TYK2: variants seen among roughly 807,000 people sequenced by gnomAD.
TYK2 encodes non-receptor tyrosine-protein kinase TYK2.
In TYK2, 65 loss-of-function variants were observed where a neutral mutation model predicts 130.9. The ratio of observed to expected loss-of-function variants is 0.50; its 90% CI spans 0.41 to 0.61. The LOEUF is 0.61. Among genes scored for constraint, TYK2 ranks in the 20% least tolerant of loss-of-function variants. TYK2 has a pLI of 0.00. For missense variants in TYK2, 1,378 were observed against 1,610.7 expected, an observed-to-expected ratio of 0.86 and a Z score of 2.47; for synonymous variants, 647 against 658.9, an observed-to-expected ratio of 0.98 and a Z score of 0.28.
At chr19:10,379,935 G>A (rs781381124) in intron 1 of TYK2, among the ~76,000 whole-genome samples, 156 bp from the exon 2 acceptor site, 2 of 152,148 alleles carry the variant, frequency 1.3e-5, no homozygotes, top group Non-Finnish European at 2.9e-5. Flanking sequence ...ACTCCCCAAA[G>A]CCTAGGAGAG....
At chr19:10,352,072 T>C (rs1041596986) in intron 23 of TYK2, among the ~76,000 whole-genome samples, 1 of 144,630 alleles carries the variant, frequency 6.9e-6, no homozygotes, top group Non-Finnish European at 1.5e-5. Context: ...TTTCTCTCTC[T>C]CTCCGTCCTG....
chr19:10,360,441 G>T (rs1014675429), intron 14 of TYK2, among the ~76,000 whole-genome samples: 3 of 152,158 alleles, frequency 2.0e-5, no homozygotes, highest in Non-Finnish European at 4.4e-5. Context: ...AGGCTTCAGT[G>T]AGCCATGATG....
rs920629637 is a variant in TYK2 at position 10,361,284 on chromosome 19, G to A, written c.2047+227C>T. On this transcript the variant is annotated intron_variant, in intron 14 of 24. Transcript: ENST00000525621. This position sits in a 1 kb window ranked among gnomAD's most constrained non-coding sequence, Gnocchi z 4.0. Reference sequence around the variant, plus strand: ...AATCAGGGTGGGGGTTGAGACTGAGGGCAGGTGAGGGTCGACGTGTTGGGA... The same window carrying A: ...AATCAGGGTGGGGGTTGAGACTGAGAGCAGGTGAGGGTCGACGTGTTGGGA... The A allele has an allele frequency of 3.2e-6, 2 of 622,084 alleles. No individual in the cohort carries two copies. The highest frequency in any genetic ancestry group is 1.8e-5 in the African/African-American group (1 of 55,060). The allele number at this position is 622,084 out of a possible 1,614,324, so 38.5% of individuals were successfully genotyped here.
At chr19:10,377,583 G>A (rs200572224) in intron 3 of TYK2, among the ~76,000 whole-genome samples, 5 of 124,016 alleles carry the variant, frequency 4.0e-5, no homozygotes, top group Admixed American at 1.7e-4. Flanking sequence ...TGGGTGGATG[G>A]ATGGATGGAT....
Position 10,353,426 on chromosome 19 carries a change from A to T in TYK2, c.3027+102T>A. 1.2e-6 allele frequency: 1 copy of T among 839,958 alleles called. No individual in the cohort carries two copies. Among genetic ancestry groups the T allele is most frequent in the Non-Finnish European group, 1.8e-6 (1 of 565,504 alleles). The allele number at this position is 839,958 out of a possible 1,614,324, so 52.0% of individuals were successfully genotyped here. On this transcript the variant is annotated intron_variant, in intron 21 of 24. Transcript: ENST00000525621. This position sits in a 1 kb window ranked among gnomAD's most constrained non-coding sequence, Gnocchi z 6.9. ...AAGGACAAGACAGCCTGGGCAAACGAGCAGGGGCGGAGCGTGAGAGCAGAC... is the reference window on the plus strand; with the variant it reads ...AAGGACAAGACAGCCTGGGCAAACGTGCAGGGGCGGAGCGTGAGAGCAGAC...
At position 10,353,986 on chromosome 19, in the gene TYK2, A is replaced by C; in HGVS notation, c.2908+56T>G. ...AGACTGGCCCCGCCCACAAGGCCAC[A>C]CCCACGCTCTAACCACGCCCCCTCA... is the stretch of plus-strand genomic sequence containing the variant. On this transcript the variant is annotated intron_variant, in intron 20 of 24. Coordinates refer to ENST00000525621, the MANE Select transcript of TYK2 (RefSeq NM_003331.5). This position sits in a 1 kb window ranked among gnomAD's most constrained non-coding sequence, Gnocchi z 6.9. 1 of 1,574,608 alleles carries C rather than the reference A, an allele frequency of 6.4e-7. No homozygotes were observed. Among genetic ancestry groups the C allele is most frequent in the Non-Finnish European group, 8.7e-7 (1 of 1,147,542 alleles).
At chr19:10,356,110 G>A (rs1431860318) in intron 18 of TYK2, among the ~76,000 whole-genome samples, 2 of 152,176 alleles carry the variant, frequency 1.3e-5, no homozygotes, top group African/African-American at 2.4e-5. Context: ...CAGGCGCAGT[G>A]GCTCACGCCT....
At chr19:10,366,352 T>C (rs969268169) in intron 6 of TYK2, 65 bp downstream of exon 6, 2 of 1,536,306 alleles carry the variant, frequency 1.3e-6, no homozygotes, top group Non-Finnish European at 1.8e-6. Flanking sequence ...AAGTCTACCC[T>C]GGCTCCCAGA....
chr19:10,352,813 C>T, intron 22 of TYK2, 113 bp downstream of exon 22: 1 of 1,378,644 alleles, frequency 7.3e-7, no homozygotes, highest in Non-Finnish European at 9.8e-7. Context: ...CCGCTAGGCC[C>T]CGCCGCGCTT....
intron 3 of TYK2, chr19:10,368,813 CTT>C (rs112143197): frequency 5.7e-3 from 1,102 of 192,792 alleles, no homozygotes; most frequent in East Asian, 0.015. Context: ...TTAAGTAAAA[CTT>C]TTTTTTTTTT....
intron 5 of TYK2, 56 bp from the exon 6 acceptor site, chr19:10,366,636 C>T: frequency 3.7e-6 from 6 of 1,603,684 alleles, no homozygotes; most frequent in Non-Finnish European, 5.1e-6. Context: ...CCTCTCTAGC[C>T]CAGAGGTATC....
At position 10,353,108 on chromosome 19, in the gene TYK2, G is replaced by C; in HGVS notation, c.3028-10C>G. ...GCAGATAGGCCATGCCCTGGGGACG[G>C]GGCAGGGCTCGTGAGTTTCAGTGGG... On this transcript the variant is annotated splice_polypyrimidine_tract_variant and intron_variant, in intron 21 of 24. Coordinates refer to ENST00000525621, the MANE Select transcript of TYK2 (RefSeq NM_003331.5). This position sits in a 1 kb window ranked among gnomAD's most constrained non-coding sequence, Gnocchi z 6.9. 1 of 1,513,440 alleles carries C rather than the reference G, an allele frequency of 6.6e-7. No homozygotes were observed. 93.8% of individuals were successfully genotyped at this position (1,513,440 alleles called of 1,614,324 possible).
In TYK2 at chr19:10,353,066, G is replaced by C; in HGVS notation, c.3060C>G (p.Ile1020Met). ...GMAYLHAQHY[I>M]HRDLAARNVL... The stretch of plus-strand genomic sequence containing the variant: ...CGTTGCGCGCGGCTAGGTCTCGGTG[G>C]ATGTAGTGCTGCGCGTGCAGATAGG... The change falls in exon 22 of 25, where the codon ATC (isoleucine) becomes ATG (methionine). Residue 1020 changes from isoleucine (I) to methionine (M), a missense_variant. Physicochemically the swap from Ile to Met is conservative, Grantham distance 10. Transcript: ENST00000525621. This position sits in a 1 kb window ranked among gnomAD's most constrained non-coding sequence, Gnocchi z 6.9. The C allele has an allele frequency of 6.3e-7, 1 of 1,575,158 alleles. No homozygotes were observed. The highest frequency in any genetic ancestry group is 8.6e-7 in the Non-Finnish European group (1 of 1,158,524).
At position 10,361,605 on chromosome 19, in the gene TYK2, G is replaced by A; in HGVS notation, c.1960-7C>T. On this transcript the variant is annotated splice_polypyrimidine_tract_variant and splice_region_variant and intron_variant, in intron 13 of 24. Coordinates refer to ENST00000525621, the MANE Select transcript of TYK2 (RefSeq NM_003331.5). This position sits in a 1 kb window ranked among gnomAD's most constrained non-coding sequence, Gnocchi z 4.0. ...TGGCTGTCTCGTAGAAGGCCTGTGGGGACCGGGCAGGTCAGGTGGCTGCAA... is the reference window on the plus strand; with the variant it reads ...TGGCTGTCTCGTAGAAGGCCTGTGGAGACCGGGCAGGTCAGGTGGCTGCAA... 1 of 1,548,806 alleles carries A rather than the reference G, an allele frequency of 6.5e-7. No individual in the cohort carries two copies. Among genetic ancestry groups the A allele is most frequent in the Non-Finnish European group, 8.7e-7 (1 of 1,147,916 alleles).
At position 10,353,551 on chromosome 19, in the gene TYK2, G is replaced by A. The variant is rs1039399074; in HGVS notation, c.3004C>T (p.Leu1002Phe). 3.3e-6 allele frequency: 5 copies of A among 1,499,080 alleles called. No individual in the cohort carries two copies. The highest frequency in any genetic ancestry group is 4.4e-5 in the Admixed American group (2 of 45,908). The allele number at this position is 1,499,080 out of a possible 1,614,324, so 92.9% of individuals were successfully genotyped here. A position where few individuals can be genotyped will look rare whatever the true frequency, so the allele number is the denominator to read the frequency against. Residue 1002 changes from leucine to phenylalanine, a missense_variant, in exon 21 of 25, where the codon CTC (leucine) becomes TTC (phenylalanine). Physicochemically the swap from Leu to Phe is conservative, Grantham distance 22. Coordinates refer to ENST00000525621, the MANE Select transcript of TYK2 (RefSeq NM_003331.5). The surrounding 1 kb of genome is among the most constrained non-coding windows in gnomAD (Gnocchi z 6.9). The part of the protein sequence containing the change: ...RHSIGLAQLL[L>F]FAQQICEGMA... ...ACCTCGCAGATCTGCTGGGCGAAGA[G>A]CAGCAGCTGGGCCAGCCCGATGCTG...
Position 10,362,102 on chromosome 19 carries a change from C to T in TYK2, c.1749G>A (p.Arg583=), listed in dbSNP as rs145343553. 3.7e-6 allele frequency: 6 copies of T among 1,614,004 alleles called. No individual in the cohort carries two copies. Among genetic ancestry groups the T allele is most frequent in the Non-Finnish European group, 5.1e-6 (6 of 1,180,020 alleles). The change falls in exon 12 of 25, where the codon CGG becomes CGA. Residue 583 remains arginine (R), a synonymous_variant. Coordinates refer to ENST00000525621, the MANE Select transcript of TYK2 (RefSeq NM_003331.5). ...TLNLSQLSFH[R]VDQKEITQLS... ...CCTGGGTGATCTCCTTCTGGTCAAC[C>T]CGGTGGAAGCTGAGCTGGCTGAGGT...
At position 10,366,443 on chromosome 19, in the gene TYK2, G is replaced by A. The variant is rs754701540; in HGVS notation, c.603C>T (p.Pro201=). ...LCHLALRHGI[P]LEEVAKKTSF... is the part of the protein sequence containing the mutation. Reference sequence around the variant, plus strand: ...TGGTCTTCTTGGCCACCTCCTCCAGGGGGATGCCATGGCGGAGAGCGAGGT... The same window carrying A: ...TGGTCTTCTTGGCCACCTCCTCCAGAGGGATGCCATGGCGGAGAGCGAGGT... Residue 201 remains proline (P), a synonymous_variant, in exon 6 of 25, where the codon CCC becomes CCT. Coordinates refer to ENST00000525621, the MANE Select transcript of TYK2 (RefSeq NM_003331.5). The A allele has an allele frequency of 1.9e-6, 3 of 1,613,962 alleles. No homozygotes were observed. The highest frequency in any genetic ancestry group is 1.7e-6 in the Non-Finnish European group (2 of 1,179,984).
rs1401706175 is a variant in TYK2 at position 10,378,795 on chromosome 19, A to G, written c.-20-369T>C. On this transcript the variant is annotated intron_variant, in intron 2 of 24. Transcript: ENST00000525621. ...CAGGAGCTCGAGACCAGCCTAGGCC[A>G]TATAGCAAGACCCTGTTTCTACAAG... Among the ~76,000 whole-genome samples, 5 of 152,132 alleles carry G rather than the reference A, an allele frequency of 3.3e-5. No individual in the cohort carries two copies. The South Asian group carries it at 8.3e-4, about 25-fold the overall frequency.
At chr19:10,372,484 ATTTTTTTTTTTT>A (rs1170442654) in intron 3 of TYK2, among the ~76,000 whole-genome samples, 2 of 37,420 alleles carry the variant, frequency 5.3e-5, no homozygotes, top group African/African-American at 1.3e-4. Flanking sequence ...ATATATATAT[ATTTTTTTTTTTT>A]TTTTTTTTTT....
Sources: gnomAD v4.1 joint callset for allele counts (sites outside exome capture counted in the v4.1 genomes callset) on GRCh38, gnomAD v4.1.1 for gene constraint, Gnocchi (gnomAD v3.1) non-coding constraint, MANE v1.5 for transcripts, NCBI Gene and HGNC (gene_info 2026-07-23, HGNC 2026-07-21) for gene names.